The following PLEKHG1 variants were observed in gnomAD, a reference collection of about 807,000 sequenced individuals.
PLEKHG1 encodes the protein pleckstrin homology domain-containing family G member 1.
Under a neutral mutation model 100.8 loss-of-function variants are expected in PLEKHG1, and 44 were observed. That is an observed-to-expected ratio of 0.44 (90% CI 0.34 to 0.56). PLEKHG1 has a LOEUF of 0.56. Among genes scored for constraint, PLEKHG1 ranks in the 20% least tolerant of loss-of-function variants. The pLI, the probability that PLEKHG1 is intolerant of heterozygous loss-of-function variation, is 0.01. For missense variants in PLEKHG1, 1,545 were observed against 1,720.9 expected (o/e 0.90, Z 1.81); for synonymous variants, 640 against 662.5 (o/e 0.97, Z 0.52).
exon 16 of PLEKHG1, chr6:150,840,162 G>T: frequency 6.2e-7 from 1 of 1,614,170 alleles, no homozygotes; most frequent in Non-Finnish European, 8.5e-7. Context: ...GCCAGGCTCT[G>T]TGCAGAGATG....
intron 7 of PLEKHG1, among the ~76,000 whole-genome samples, chr6:150,808,580 T>A (rs1355387540): frequency 6.6e-6 from 1 of 152,044 alleles, no homozygotes; most frequent in East Asian, 1.9e-4. Context: ...CAAAACCCCA[T>A]CTCGACTAAA....
chr6:150,791,984 C>T (rs1457845950), intron 4 of PLEKHG1, among the ~76,000 whole-genome samples: 1 of 152,018 alleles, frequency 6.6e-6, no homozygotes, highest in East Asian at 1.9e-4. Flanking sequence ...CAAGATAAAG[C>T]AAAGAAGTAT....
intron 6 of PLEKHG1, among the ~76,000 whole-genome samples, chr6:150,803,246 G>A (rs1289116639): frequency 1.3e-5 from 2 of 152,142 alleles, no homozygotes. Context: ...TAATCTTCAA[G>A]TTGCACCATA....
At chr6:150,699,589 C>T (rs1250267318) in intron 3 of PLEKHG1, among the ~76,000 whole-genome samples, 1 of 152,214 alleles carries the variant, frequency 6.6e-6, no homozygotes, top group Non-Finnish European at 1.5e-5. Flanking sequence ...GGAACAGTGA[C>T]ATTGAGAACA....
exon 8 of PLEKHG1, chr6:150,809,263 G>A (rs141820018): frequency 1.6e-4 from 257 of 1,614,086 alleles, no homozygotes; most frequent in African/African-American, 2.4e-4. Flanking sequence ...GAGATGACAC[G>A]TTTACATACA....
chr6:150,839,457 TGA>T (rs1777400014), intron 15 of PLEKHG1, among the ~76,000 whole-genome samples: 1 of 152,182 alleles, frequency 6.6e-6, no homozygotes, highest in Non-Finnish European at 1.5e-5. Context: ...GATTTTTCAT[TGA>T]CCAGGCTGAA....
intron 3 of PLEKHG1, among the ~76,000 whole-genome samples, chr6:150,709,539 A>G (rs992420664): frequency 6.6e-6 from 1 of 152,156 alleles, no homozygotes; most frequent in African/African-American, 2.4e-5. Flanking sequence ...ATGGAACCTT[A>G]GATTTTTAGA....
intron 2 of PLEKHG1, among the ~76,000 whole-genome samples, chr6:150,763,221 A>C (rs1351259130): frequency 1.3e-5 from 2 of 151,618 alleles, no homozygotes; most frequent in Admixed American, 1.3e-4. Context: ...GTAGAGATGG[A>C]GTTTCACCAT....
rs1277587223 is a variant in PLEKHG1 at position 150,683,791 on chromosome 6, G to A, written c.-99+33005G>A. ...GAGCCATTCTTGGTGGGGCGGAAGA[G>A]GCAGGAAACTGCTGCCTGGACAAAT... On this transcript the variant is annotated intron_variant, in intron 3 of 3. Coordinates refer to the PLEKHG1 transcript ENST00000367326. The surrounding 1 kb of genome is among the most constrained non-coding windows in gnomAD (Gnocchi z 4.0). 4.7e-6 allele frequency: 6 copies of A among 1,288,628 alleles called. No individual in the cohort carries two copies. Among genetic ancestry groups the A allele is most frequent in the Non-Finnish European group, 6.1e-6 (6 of 988,646 alleles). 79.8% of individuals were successfully genotyped at this position (1,288,628 alleles called of 1,614,324 possible).
chr6:150,612,477 C>G (rs1048155295), intron 1 of PLEKHG1, among the ~76,000 whole-genome samples: 1 of 152,062 alleles, frequency 6.6e-6, no homozygotes, highest in Non-Finnish European at 1.5e-5. Flanking sequence ...GGATTACAGG[C>G]GCCTGCCATC....
intron 3 of PLEKHG1, among the ~76,000 whole-genome samples, chr6:150,707,572 C>T (rs186865710): frequency 3.9e-5 from 6 of 152,244 alleles, no homozygotes; most frequent in African/African-American, 1.2e-4. Flanking sequence ...CTTAGCTCTA[C>T]CCACTGCTGC....
chr6:150,755,529 C>T (rs1219557846), intron 2 of PLEKHG1, among the ~76,000 whole-genome samples: 4 of 152,172 alleles, frequency 2.6e-5, no homozygotes, highest in African/African-American at 4.8e-5. Flanking sequence ...GGGACCTAGA[C>T]GGCCACACAG....
intron 2 of PLEKHG1, among the ~76,000 whole-genome samples, chr6:150,639,158 C>T (rs1778143426): frequency 6.6e-6 from 1 of 152,138 alleles, no homozygotes; most frequent in African/African-American, 2.4e-5. Flanking sequence ...AACCGCTTGG[C>T]CCCAATCTCT....
At chr6:150,826,731 T>C (rs77257869) in intron 14 of PLEKHG1, among the ~76,000 whole-genome samples, 6,442 of 152,152 alleles carry the variant, frequency 0.042, 488 homozygotes, top group African/African-American at 0.15. Context: ...CGATCTCAGC[T>C]CACTTTAGGC....
At chr6:150,722,344 CTTTTCTTTTTTTTTTTTTTTT>C (rs1357746083) in intron 1 of PLEKHG1, among the ~76,000 whole-genome samples, 3 of 125,980 alleles carry the variant, frequency 2.4e-5, no homozygotes, top group Admixed American at 9.1e-5. Context: ...TTTTCTTTTT[CTTTTCTTTTTTTTTTTTTTTT>C]TTTTTTGAGA....
At chr6:150,661,412 A>G (rs1779186695) in intron 3 of PLEKHG1, among the ~76,000 whole-genome samples, 1 of 152,250 alleles carries the variant, frequency 6.6e-6, no homozygotes, top group South Asian at 2.1e-4. Context: ...CTTCCACTTA[A>G]GCCAGGGTTT....
At chr6:150,702,997 A>G (rs373103644) in intron 3 of PLEKHG1, among the ~76,000 whole-genome samples, 40 of 152,126 alleles carry the variant, frequency 2.6e-4, no homozygotes, top group African/African-American at 9.2e-4. Context: ...TTTTATTCCT[A>G]CAAAACAAAA....
intron 13 of PLEKHG1, among the ~76,000 whole-genome samples, 189 bp downstream of exon 14, chr6:150,821,422 G>A (rs1008879411): frequency 6.6e-6 from 1 of 152,114 alleles, no homozygotes; most frequent in East Asian, 1.9e-4. Context: ...AGTAGCTCAC[G>A]CCTGTAATCC....
chr6:150,762,201 CT>C (rs112324631), intron 2 of PLEKHG1, among the ~76,000 whole-genome samples: 144 of 144,176 alleles, frequency 1.0e-3, no homozygotes, highest in Middle Eastern at 3.6e-3. Context: ...CTCTCTTTTT[CT>C]TTTTTTTTTT....
Sources: gnomAD v4.1 joint callset for allele counts (sites outside exome capture counted in the v4.1 genomes callset) on GRCh38, gnomAD v4.1.1 for gene constraint, Gnocchi (gnomAD v3.1) non-coding constraint, MANE v1.5 for transcripts, NCBI Gene and HGNC (gene_info 2026-07-23, HGNC 2026-07-21) for gene names.